The following EVC2 variants were observed in gnomAD, a reference collection of about 807,000 sequenced individuals.
EVC2 encodes limbin.
A neutral mutation model predicts 149.3 loss-of-function variants in EVC2; 148 were observed. The observed-to-expected ratio is 0.99, with a 90% CI of 0.87 to 1.14. The LOEUF (loss-of-function observed/expected upper bound fraction) is 1.14, where lower values mean the gene tolerates loss of function less well. Ranked by LOEUF, EVC2 falls within the 50% of genes most tolerant of loss-of-function variation. EVC2 has a pLI of 0.00. For synonymous variants in EVC2, 776 were observed against 649.9 expected, an observed-to-expected ratio of 1.19 and a Z score of -2.95; for missense variants, 1,854 against 1,627.3, an observed-to-expected ratio of 1.14 and a Z score of -2.40.
At chr4:5,607,876 C>G (rs1714514907) in intron 16 of EVC2, among the ~76,000 whole-genome samples, 2 of 151,680 alleles carry the variant, frequency 1.3e-5, no homozygotes, top group African/African-American at 4.8e-5. Context: ...AAGAAGGAAG[C>G]AGAAGGAACA....
intron 2 of EVC2, among the ~76,000 whole-genome samples, chr4:5,695,140 G>C (rs1214811320): frequency 1.3e-5 from 2 of 151,998 alleles, no homozygotes; most frequent in African/African-American, 4.8e-5. Flanking sequence ...ACAAAGTCAA[G>C]AGATCGAGAC....
intron 8 of EVC2, among the ~76,000 whole-genome samples, chr4:5,664,014 ATC>A (rs1719091435): frequency 6.6e-6 from 1 of 152,196 alleles, no homozygotes; most frequent in Non-Finnish European, 1.5e-5. Flanking sequence ...GATAAGAGAT[ATC>A]TGTGTTGTCT....
chr4:5,708,361 C>G lies in EVC2; in HGVS notation c.153G>C (p.Gln51His). 1 of 1,488,008 alleles carries G rather than the reference C, an allele frequency of 6.7e-7. No homozygotes were observed. Among genetic ancestry groups the G allele is most frequent in the Non-Finnish European group, 8.9e-7 (1 of 1,125,560 alleles). 92.2% of individuals were successfully genotyped at this position (1,488,008 alleles called of 1,614,324 possible). ...PLGAQPPRDPQVAPRSGPGLR... is the reference protein window; with the variant it reads ...PLGAQPPRDPHVAPRSGPGLR... ...GGCCGGGCCCAGACCTAGGAGCCACCTGGGGATCCCGGGGTGGCTGCGCGC... is the reference window on the plus strand; with the variant it reads ...GGCCGGGCCCAGACCTAGGAGCCACGTGGGGATCCCGGGGTGGCTGCGCGC... Residue 51 changes from glutamine to histidine, a missense_variant, in exon 1 of 22, where the codon CAG becomes CAC. Gln to His is a conservative substitution (Grantham distance 24). Coordinates refer to ENST00000344408, the MANE Select transcript of EVC2 (RefSeq NM_147127.5).
chr4:5,592,307 T>C (rs1165964958), intron 16 of EVC2, among the ~76,000 whole-genome samples: 1 of 152,146 alleles, frequency 6.6e-6, no homozygotes, highest in South Asian at 2.1e-4. Context: ...ACCTGTCCCA[T>C]TCCTTCTTTA....
chr4:5,692,882 AAAAAAAAAG>A (rs1279510550), intron 3 of EVC2, among the ~76,000 whole-genome samples: 9 of 134,972 alleles, frequency 6.7e-5, no homozygotes, highest in African/African-American at 1.9e-4. Context: ...TCAAAAAAAA[AAAAAAAAAG>A]AAAAAAGAAA....
chr4:5,642,599 T>C (rs377760473), intron 9 of EVC2, among the ~76,000 whole-genome samples: 1 of 152,276 alleles, frequency 6.6e-6, no homozygotes, highest in African/African-American at 2.4e-5. Flanking sequence ...AATAATTTCC[T>C]CAGTACAGAT....
At position 5,686,174 on chromosome 4, in the gene EVC2, T is replaced by C. The variant is rs1720699988; in HGVS notation, c.707-695A>G. Among the ~76,000 whole-genome samples, 1 of 151,556 alleles carries C rather than the reference T, an allele frequency of 6.6e-6. No homozygotes were observed. The highest frequency in any genetic ancestry group is 1.5e-5 in the Non-Finnish European group (1 of 68,006). The stretch of plus-strand genomic sequence containing the variant: ...ACGCTCACTTAGCCTAAGGAATCAC[T>C]GGCATTTTTGTTTTAAAAATCCTCA... On this transcript the variant is annotated intron_variant, in intron 5 of 21. Coordinates refer to ENST00000344408, the MANE Select transcript of EVC2 (RefSeq NM_147127.5). The surrounding 1 kb of genome is among the most constrained non-coding windows in gnomAD (Gnocchi z 5.4).
intron 19 of EVC2, among the ~76,000 whole-genome samples, chr4:5,570,943 A>G (rs1001578743): frequency 6.6e-6 from 1 of 152,152 alleles, no homozygotes; most frequent in Non-Finnish European, 1.5e-5. Flanking sequence ...GAGCTGAGCT[A>G]TGAGGATGCA....
rs1389702193 is a variant in EVC2, at chr4:5,640,601, T to C, written c.1383A>G (p.Glu461=). The C allele has an allele frequency of 1.9e-6, 3 of 1,614,158 alleles. No homozygotes were observed. The highest frequency in any genetic ancestry group is 2.5e-6 in the Non-Finnish European group (3 of 1,180,026). The part of the protein sequence containing the change: ...MVALTAECDL[E]TRKKMENQYQ... ...ACTGGTTTTCCATCTTCTTTCTTGTTTCCAGGTCACATTCAGCTGTCAATG... is the reference window on the plus strand; with the variant it reads ...ACTGGTTTTCCATCTTCTTTCTTGTCTCCAGGTCACATTCAGCTGTCAATG... The change falls in exon 10 of 22, where the codon GAA becomes GAG. Residue 461 remains glutamate (E), a synonymous_variant. Transcript: ENST00000344408. The surrounding 1 kb of genome is among the most constrained non-coding windows in gnomAD (Gnocchi z 4.6).
At chr4:5,692,184 T>G (rs539658529) in intron 3 of EVC2, among the ~76,000 whole-genome samples, 1 of 152,218 alleles carries the variant, frequency 6.6e-6, no homozygotes, top group Non-Finnish European at 1.5e-5. Context: ...GTTTTGTATA[T>G]TTTTTATTTA....
chr4:5,631,895 T>G lies in EVC2; in HGVS notation c.1608A>C (p.Glu536Asp). ...TCTGGGTAAAAAAGATACTGTGCAG[T>G]TCATTTCTCTGGAAAACAGCCAGCT... ...HRQLAVFQRN[E>D]LHSIFFTQIK... The change falls in exon 11 of 22, where the codon GAA (glutamate) becomes GAC (aspartate). Residue 536 changes from glutamate (E) to aspartate (D), a missense_variant. Coordinates refer to ENST00000344408, the MANE Select transcript of EVC2 (RefSeq NM_147127.5). The G allele has an allele frequency of 6.2e-7, 1 of 1,614,230 alleles. No homozygotes were observed. Among genetic ancestry groups the G allele is most frequent in the Non-Finnish European group, 8.5e-7 (1 of 1,180,032 alleles).
At chr4:5,700,228 C>T (rs964866436) in intron 1 of EVC2, among the ~76,000 whole-genome samples, 8 of 152,318 alleles carry the variant, frequency 5.3e-5, no homozygotes, top group African/African-American at 1.7e-4. Context: ...ACTTTCTGCG[C>T]TATGTGCTCG....
intron 19 of EVC2, 53 bp from the exon 20 acceptor site, chr4:5,568,693 C>A (rs935067085): frequency 1.9e-6 from 3 of 1,545,676 alleles, no homozygotes; most frequent in African/African-American, 1.3e-5. Context: ...CAACTTGAAC[C>A]ATCATTTTTA....
At chr4:5,693,035 A>C (rs986992581) in intron 3 of EVC2, among the ~76,000 whole-genome samples, 1 of 152,138 alleles carries the variant, frequency 6.6e-6, no homozygotes, top group Non-Finnish European at 1.5e-5. Context: ...CTGGGACCCT[A>C]AGAGAATTTG....
chr4:5,661,403 G>T (rs2108892889), intron 9 of EVC2, among the ~76,000 whole-genome samples: 1 of 152,230 alleles, frequency 6.6e-6, no homozygotes, highest in South Asian at 2.1e-4. Flanking sequence ...TCCTCAGATT[G>T]TCTTCTCAAC....
chr4:5,607,354 C>A (rs1714475973), intron 16 of EVC2, among the ~76,000 whole-genome samples: 1 of 152,160 alleles, frequency 6.6e-6, no homozygotes, highest in Non-Finnish European at 1.5e-5. Context: ...CTAAATGAAT[C>A]TGTAAGTTTA....
At chr4:5,601,541 C>T (rs936670446) in intron 16 of EVC2, among the ~76,000 whole-genome samples, 14 of 149,038 alleles carry the variant, frequency 9.4e-5, no homozygotes, top group Admixed American at 4.0e-4. Flanking sequence ...AAACAATGGA[C>T]GAGAGGTCAA....
chr4:5,539,072 C>G (rs1288862300), downstream of EVC2, among the ~76,000 whole-genome samples: 1 of 152,076 alleles, frequency 6.6e-6, no homozygotes, highest in Non-Finnish European at 1.5e-5. Context: ...ACAAAAAAGC[C>G]ACTAAAGCTA....
intron 9 of EVC2, among the ~76,000 whole-genome samples, chr4:5,645,788 T>C (rs1332329152): frequency 6.6e-6 from 1 of 152,206 alleles, no homozygotes; most frequent in East Asian, 1.9e-4. Flanking sequence ...AGTAATGGGA[T>C]TGCTGGGTTG....
Sources: gnomAD v4.1 joint callset for allele counts (sites outside exome capture counted in the v4.1 genomes callset) on GRCh38, gnomAD v4.1.1 for gene constraint, Gnocchi (gnomAD v3.1) non-coding constraint, MANE v1.5 for transcripts, NCBI Gene and HGNC (gene_info 2026-07-23, HGNC 2026-07-21) for gene names.